The following TMEM232 variants were observed in gnomAD, a reference collection of about 807,000 sequenced individuals.
TMEM232 encodes transmembrane protein 232.
TMEM232 carries 80 observed loss-of-function variants against 78.8 expected under a neutral mutation model. The observed-to-expected ratio is 1.01, with a 90% CI of 0.85 to 1.22. The LOEUF (loss-of-function observed/expected upper bound fraction) is 1.22. Ranked by LOEUF, TMEM232 falls within the 50% of genes most tolerant of loss-of-function variation. The pLI is 0.00. For missense variants in TMEM232, 881 were observed against 742.2 expected (o/e 1.19, Z -2.17); for synonymous variants, 297 against 254.3 (o/e 1.17, Z -1.60).
intron 2 of TMEM232, among the ~76,000 whole-genome samples, chr5:110,665,933 C>T (rs1375134850): frequency 1.3e-5 from 2 of 149,940 alleles, no homozygotes; most frequent in African/African-American, 2.4e-5. Flanking sequence ...GCCAGGCATA[C>T]TGGCATGTGC....
chr5:110,697,039 T>G (rs965429373), intron 1 of TMEM232, among the ~76,000 whole-genome samples: 2 of 152,166 alleles, frequency 1.3e-5, no homozygotes, highest in Non-Finnish European at 2.9e-5. Context: ...GCTACCTGAC[T>G]TCAAACTATA....
In TMEM232 at chr5:110,410,651, A is replaced by G. The variant is rs187898265; in HGVS notation, n.309-12797T>C. On this transcript the variant is annotated intron_variant and non_coding_transcript_variant, in intron 2 of 8. Coordinates refer to the TMEM232 transcript ENST00000507188. ...TTTCCAATAACAATAAAAGCAAAGAATAATGACTGATGTTTATTGAGAACT... is the reference window on the plus strand; with the variant it reads ...TTTCCAATAACAATAAAAGCAAAGAGTAATGACTGATGTTTATTGAGAACT... Among the ~76,000 whole-genome samples the G allele has an allele frequency of 4.6e-3, 708 of 152,334 alleles. 5 individuals carry two copies. Among genetic ancestry groups the G allele is most frequent in the African/African-American group, 0.016 (670 of 41,580 alleles).
chr5:110,468,597 A>G (rs1486957626), intron 12 of TMEM232, among the ~76,000 whole-genome samples: 1 of 152,158 alleles, frequency 6.6e-6, no homozygotes, highest in African/African-American at 2.4e-5. Flanking sequence ...ATGATATATA[A>G]AAACCACAAT....
At chr5:110,514,966 G>T (rs1227019419) in intron 12 of TMEM232, among the ~76,000 whole-genome samples, 1 of 152,136 alleles carries the variant, frequency 6.6e-6, no homozygotes, top group Admixed American at 6.5e-5. Context: ...AGAATTGTTT[G>T]AACATATTTT....
At chr5:110,433,761 C>A (rs911297918) in intron 12 of TMEM232, among the ~76,000 whole-genome samples, 1 of 151,548 alleles carries the variant, frequency 6.6e-6, no homozygotes, top group Non-Finnish European at 1.5e-5. Context: ...AATTTTAATT[C>A]TCTTTATGGA....
At position 110,431,682 on chromosome 5, in the gene TMEM232, A is replaced by C. The variant is rs978681161; in HGVS notation, c.1704-6766T>G. The stretch of plus-strand genomic sequence containing the variant: ...TGAAGAATTTTGCTAGAAAACTGGA[A>C]TCTATCTTAAAATTCACATATTACT... On this transcript the variant is annotated intron_variant, in intron 12 of 13. Transcript: ENST00000455884. 1.0e-3 allele frequency among the ~76,000 whole-genome samples: 157 copies of C among 151,884 alleles called. 1 individual carries two copies. The highest frequency in any genetic ancestry group is 3.5e-3 in the African/African-American group (147 of 41,492).
chr5:110,413,093 T>G (rs1047349665), intron 2 of TMEM232, among the ~76,000 whole-genome samples: 1 of 152,080 alleles, frequency 6.6e-6, no homozygotes, highest in African/African-American at 2.4e-5. Flanking sequence ...CAAAGGAGAT[T>G]AACATTTGAG....
At chr5:110,694,137 G>C (rs528556384) in intron 1 of TMEM232, among the ~76,000 whole-genome samples, 1 of 152,120 alleles carries the variant, frequency 6.6e-6, no homozygotes, top group Non-Finnish European at 1.5e-5. Flanking sequence ...AGAAGAGAGT[G>C]AGGGCCAATA....
chr5:110,577,158 A>G (rs1288808221), intron 10 of TMEM232, among the ~76,000 whole-genome samples: 2 of 152,154 alleles, frequency 1.3e-5, no homozygotes, highest in Non-Finnish European at 2.9e-5. Context: ...TGCAGCAACT[A>G]TAAGAAAATT....
chr5:110,509,636 A>G (rs1215043691), intron 12 of TMEM232, among the ~76,000 whole-genome samples: 2 of 152,310 alleles, frequency 1.3e-5, no homozygotes, highest in African/African-American at 4.8e-5. Flanking sequence ...TATGGTATAC[A>G]ATATTACCGC....
intron 11 of TMEM232, among the ~76,000 whole-genome samples, chr5:110,546,578 G>A (rs1773807411): frequency 6.6e-6 from 1 of 152,036 alleles, no homozygotes; most frequent in Non-Finnish European, 1.5e-5. Flanking sequence ...ATTAGGAAAG[G>A]AGAGGAAGAA....
chr5:110,721,682 T>TATATATATATATATATATATATAG (rs1488971799), intron 1 of TMEM232, among the ~76,000 whole-genome samples: 1 of 130,574 alleles, frequency 7.7e-6, no homozygotes, highest in Non-Finnish European at 1.7e-5. Flanking sequence ...TGTATATATA[T>TATATATATATATATATATATATAG]ATCTGTGTGT....
At chr5:110,406,265 TACACACACACACAC>T (rs70999966) in intron 2 of TMEM232, among the ~76,000 whole-genome samples, 36 of 143,686 alleles carry the variant, frequency 2.5e-4, no homozygotes, top group East Asian at 1.0e-3. Context: ...CAGATATATA[TACACACACACACAC>T]ACACACACAC....
intron 11 of TMEM232, among the ~76,000 whole-genome samples, chr5:110,538,400 G>A (rs1325378660): frequency 6.6e-6 from 1 of 152,170 alleles, no homozygotes; most frequent in Non-Finnish European, 1.5e-5. Context: ...AACAGGAACA[G>A]AGTGAAGAAA....
intron 7 of TMEM232, among the ~76,000 whole-genome samples, chr5:110,623,927 G>T (rs1312362412): frequency 2.0e-5 from 3 of 152,166 alleles, no homozygotes; most frequent in African/African-American, 7.2e-5. Flanking sequence ...ACTGTAAGCT[G>T]ATATGTCCCT....
chr5:110,596,198 C>T (rs1265879748), intron 10 of TMEM232, among the ~76,000 whole-genome samples: 2 of 152,172 alleles, frequency 1.3e-5, no homozygotes, highest in African/African-American at 2.4e-5. Context: ...ACCGATCCCA[C>T]AGAAATACAA....
At chr5:110,611,355 G>A (rs1371176949) in intron 8 of TMEM232, among the ~76,000 whole-genome samples, 1 of 152,128 alleles carries the variant, frequency 6.6e-6, no homozygotes, top group East Asian at 1.9e-4. Flanking sequence ...TGACAAAAAT[G>A]TAGGCTTTAG....
chr5:110,492,020 A>T (rs188041528), intron 12 of TMEM232, among the ~76,000 whole-genome samples: 1 of 152,068 alleles, frequency 6.6e-6, no homozygotes, highest in East Asian at 1.9e-4. Flanking sequence ...CAGTGCAATC[A>T]TACAGACAAT....
intron 10 of TMEM232, among the ~76,000 whole-genome samples, chr5:110,592,465 C>T (rs571613521): frequency 6.6e-6 from 1 of 152,222 alleles, no homozygotes; most frequent in South Asian, 2.1e-4. Context: ...GAAAAATGTA[C>T]TGACTTTGAC....
Sources: allele counts gnomAD v4.1 joint callset (sites outside exome capture counted in the v4.1 genomes callset), GRCh38; gene constraint gnomAD v4.1.1; transcripts MANE v1.5; gene names NCBI Gene and HGNC (gene_info 2026-07-23, HGNC 2026-07-21).